TNFRSF19: variants seen among roughly 807,000 people sequenced by gnomAD.
TNFRSF19 encodes tumor necrosis factor receptor superfamily member 19.
In TNFRSF19, 27 loss-of-function variants were observed where a neutral mutation model predicts 46.4. That is an observed-to-expected ratio of 0.58 (90% CI 0.43 to 0.80). The LOEUF (loss-of-function observed/expected upper bound fraction) is 0.80. Ranked by LOEUF, TNFRSF19 falls within the 30% of genes least tolerant of loss-of-function variation. TNFRSF19 has a pLI of 0.00. For synonymous variants in TNFRSF19, 204 were observed against 205.0 expected (o/e 1.00, Z 0.04); for missense variants, 511 against 530.8 (o/e 0.96, Z 0.37).
At position 23,601,328 on chromosome 13, in the gene TNFRSF19, G is replaced by A. The variant is rs79252226; in HGVS notation, c.180+7873G>A. On this transcript the variant is annotated intron_variant, in intron 3 of 9. Coordinates refer to ENST00000248484, the MANE Select transcript of TNFRSF19 (RefSeq NM_148957.4). ...CTCAGAAATCATGCAAGGCAGAAGAGAGTGCAGTGAAACATTTAAAGTATT... is the reference window on the plus strand; with the variant it reads ...CTCAGAAATCATGCAAGGCAGAAGAAAGTGCAGTGAAACATTTAAAGTATT... Among the ~76,000 whole-genome samples, 968 of 152,292 alleles carry A rather than the reference G, an allele frequency of 6.4e-3. 9 individuals carry two copies. Among genetic ancestry groups the A allele is most frequent in the African/African-American group, 0.022 (928 of 41,548 alleles).
chr13:23,670,208 G>A (rs993201806), intron 9 of TNFRSF19, among the ~76,000 whole-genome samples: 1 of 152,134 alleles, frequency 6.6e-6, no homozygotes, highest in Admixed American at 6.5e-5. Flanking sequence ...TGGTTTTTGG[G>A]TTTTGAAACG....
chr13:23,582,142 A>G (rs888348344), intron 1 of TNFRSF19, among the ~76,000 whole-genome samples: 9 of 145,632 alleles, frequency 6.2e-5, no homozygotes, highest in Non-Finnish European at 1.3e-4. Flanking sequence ...GCACTTTGGG[A>G]GGCCGAGGCG....
chr13:23,645,399 G>A (rs1450340879), intron 5 of TNFRSF19, among the ~76,000 whole-genome samples: 4 of 151,906 alleles, frequency 2.6e-5, no homozygotes, highest in African/African-American at 4.8e-5. Context: ...ACGGGTTTTC[G>A]CCATGTTGAC....
chr13:23,613,445 A>G lies in TNFRSF19; in HGVS notation c.181-2422A>G, dbSNP rs192864323. On this transcript the variant is annotated intron_variant, in intron 3 of 9. Transcript: ENST00000248484. Reference sequence around the variant, plus strand: ...GTAGGAAAATACATACTTTTCTCCTATGTTGACCTGGCTTGAAACAGAATT... The same window carrying G: ...GTAGGAAAATACATACTTTTCTCCTGTGTTGACCTGGCTTGAAACAGAATT... Among the ~76,000 whole-genome samples, 87 of 152,340 alleles carry G rather than the reference A, an allele frequency of 5.7e-4. 1 individual carries two copies. The highest frequency in any genetic ancestry group is 2.0e-3 in the African/African-American group (82 of 41,582).
intron 9 of TNFRSF19, chr13:23,669,526 T>G (rs958973246): frequency 8.1e-6 from 8 of 985,394 alleles, no homozygotes; most frequent in Non-Finnish European, 9.6e-6. Context: ...AATTTTGGTC[T>G]CCTAAAGCTG....
chr13:23,668,682 G>C lies in TNFRSF19; in HGVS notation c.840-10G>C. ...TCAAAAACTTTAAGTTCTTTTGAAC[G>C]TGTGTGCAGAAACGCAGGCCCAGCC... On this transcript the variant is annotated splice_polypyrimidine_tract_variant and intron_variant, in intron 8 of 9. Transcript: ENST00000248484. The C allele has an allele frequency of 1.2e-6, 2 of 1,603,728 alleles. No individual in the cohort carries two copies. The highest frequency in any genetic ancestry group is 8.5e-7 in the Non-Finnish European group (1 of 1,175,460).
Position 23,659,597 on chromosome 13 carries a change from C to G in TNFRSF19, c.610+383C>G, listed in dbSNP as rs1884214304. ...CTTCAGCTCATGGCAACCTCTGCCTCCCGGATTCAAGTGATTCTCCTGCCT... is the reference window on the plus strand; with the variant it reads ...CTTCAGCTCATGGCAACCTCTGCCTGCCGGATTCAAGTGATTCTCCTGCCT... On this transcript the variant is annotated intron_variant, in intron 6 of 9. Coordinates refer to ENST00000248484, the MANE Select transcript of TNFRSF19 (RefSeq NM_148957.4). The surrounding 1 kb of genome is among the most constrained non-coding windows in gnomAD (Gnocchi z 4.9). Among the ~76,000 whole-genome samples, 1 of 152,146 alleles carries G rather than the reference C, an allele frequency of 6.6e-6. No homozygotes were observed. Among genetic ancestry groups the G allele is most frequent in the African/African-American group, 2.4e-5 (1 of 41,418 alleles).
intron 7 of TNFRSF19, among the ~76,000 whole-genome samples, chr13:23,660,842 T>C (rs1451822534): frequency 2.0e-5 from 3 of 152,226 alleles, no homozygotes; most frequent in Non-Finnish European, 4.4e-5. Flanking sequence ...CAAACACTAA[T>C]ATGCCTATTT....
intron 3 of TNFRSF19, among the ~76,000 whole-genome samples, chr13:23,596,279 G>A (rs1020812080): frequency 7.9e-5 from 12 of 152,040 alleles, no homozygotes; most frequent in Non-Finnish European, 1.5e-5. Context: ...ATGTAAATGG[G>A]CTAAATACAC....
In TNFRSF19 at chr13:23,674,431, T is replaced by C. The variant is rs1951798843; in HGVS notation, c.*1051T>C. 1 of 152,202 alleles carries C rather than the reference T, an allele frequency of 6.6e-6. No individual in the cohort carries two copies. The highest frequency in any genetic ancestry group is 1.5e-5 in the Non-Finnish European group (1 of 68,036). 9.4% of individuals were successfully genotyped at this position (152,202 alleles called of 1,614,324 possible). A position where few individuals can be genotyped will look rare whatever the true frequency, so the allele number is the denominator to read the frequency against. On this transcript the variant is annotated 3_prime_UTR_variant, in exon 10 of 10. Transcript: ENST00000248484. ...TGAAGCAGCTGTAACTGCCCTAGTG[T>C]AGTTTGACCAGGACATTGTCGTGCT...
intron 1 of TNFRSF19, among the ~76,000 whole-genome samples, chr13:23,583,870 C>T (rs1306588540): frequency 6.6e-6 from 1 of 152,150 alleles, no homozygotes; most frequent in Non-Finnish European, 1.5e-5. Flanking sequence ...GTTCCATTTG[C>T]ATTTCAGGGT....
chr13:23,649,836 A>G (rs1883534173), intron 5 of TNFRSF19, among the ~76,000 whole-genome samples: 2 of 151,842 alleles, frequency 1.3e-5, no homozygotes, highest in Admixed American at 6.6e-5. Flanking sequence ...ATATTGTTGC[A>G]TTTTCATATA....
chr13:23,616,835 T>A (rs574907772), intron 4 of TNFRSF19, among the ~76,000 whole-genome samples: 116 of 152,300 alleles, frequency 7.6e-4, no homozygotes, highest in African/African-American at 2.6e-3. Context: ...TGCCTCAGCC[T>A]CCCAAAGTGC....
chr13:23,629,463 C>T (rs1208109290), intron 5 of TNFRSF19, among the ~76,000 whole-genome samples: 1 of 152,156 alleles, frequency 6.6e-6, no homozygotes, highest in African/African-American at 2.4e-5. Flanking sequence ...GGGACCACCC[C>T]AGTACCACGC....
intron 5 of TNFRSF19, among the ~76,000 whole-genome samples, chr13:23,632,064 C>T (rs1294751027): frequency 1.3e-5 from 2 of 152,154 alleles, no homozygotes; most frequent in Non-Finnish European, 2.9e-5. Flanking sequence ...TTTGCTAATA[C>T]TTAACAGCCC....
At chr13:23,623,572 T>C (rs528160448) in intron 4 of TNFRSF19, among the ~76,000 whole-genome samples, 1 of 152,322 alleles carries the variant, frequency 6.6e-6, no homozygotes, top group African/African-American at 2.4e-5. Context: ...GTCAGCAGTA[T>C]ACAAGGGTTC....
chr13:23,612,679 T>G (rs1055839977), intron 3 of TNFRSF19, among the ~76,000 whole-genome samples: 17 of 152,212 alleles, frequency 1.1e-4, no homozygotes, highest in African/African-American at 3.4e-4. Flanking sequence ...AGTAAATACT[T>G]TAGAGAAAAT....
chr13:23,581,348 G>A (rs1878418149), intron 1 of TNFRSF19, among the ~76,000 whole-genome samples: 1 of 151,912 alleles, frequency 6.6e-6, no homozygotes, highest in African/African-American at 2.4e-5. Flanking sequence ...GGGTTTCACC[G>A]TGTTAGCCAG....
At chr13:23,623,734 A>G (rs749707226) in intron 4 of TNFRSF19, among the ~76,000 whole-genome samples, 4 of 152,076 alleles carry the variant, frequency 2.6e-5, no homozygotes, top group Non-Finnish European at 2.9e-5. Context: ...ACATGTTTTT[A>G]TATACCTGTC....
Sources: allele counts gnomAD v4.1 joint callset (sites outside exome capture counted in the v4.1 genomes callset), GRCh38; gene constraint gnomAD v4.1.1; non-coding constraint Gnocchi (gnomAD v3.1); transcripts MANE v1.5; gene names NCBI Gene and HGNC (gene_info 2026-07-23, HGNC 2026-07-21).